The following MYO16 variants were observed in gnomAD, a reference collection of about 807,000 sequenced individuals.
MYO16 encodes the protein myosin XVI, also known as unconventional myosin-XVI.
MYO16 carries 94 observed loss-of-function variants against 205.3 expected under a neutral mutation model. That is an observed-to-expected ratio of 0.46 (90% CI 0.39 to 0.54). The LOEUF is 0.54. MYO16 is among the 20% of genes least tolerant of loss of function. The pLI is 0.00. For missense variants in MYO16, 2,315 were observed against 2,387.5 expected, an observed-to-expected ratio of 0.97 and a Z score of 0.63; for synonymous variants, 988 against 954.0, an observed-to-expected ratio of 1.04 and a Z score of -0.66.
At chr13:109,161,012 G>A (rs145912445) in intron 32 of MYO16, among the ~76,000 whole-genome samples, 1 of 152,292 alleles carries the variant, frequency 6.6e-6, no homozygotes, top group Non-Finnish European at 1.5e-5. Context: ...TCCTCAGTGT[G>A]TTGAATCTAG....
chr13:108,558,059 TAAAG>T, the MYO16 span, among the ~76,000 whole-genome samples: 1 of 152,196 alleles, frequency 6.6e-6, no homozygotes, highest in African/African-American at 2.4e-5. Context: ...TCAATTTTCT[TAAAG>T]AAAGATTAAA....
intron 31 of MYO16, among the ~76,000 whole-genome samples, chr13:109,130,804 T>C (rs911018163): frequency 6.6e-6 from 1 of 152,184 alleles, no homozygotes; most frequent in African/African-American, 2.4e-5. Context: ...GAGTATAATC[T>C]AAGTCTTTGT....
intron 1 of MYO16, among the ~76,000 whole-genome samples, chr13:108,651,451 C>T (rs76247825): frequency 0.045 from 6,860 of 152,162 alleles, 186 homozygotes; most frequent in South Asian, 0.13. Flanking sequence ...TTGTTGTTTA[C>T]GAAATATGGT....
intron 4 of MYO16, among the ~76,000 whole-genome samples, chr13:108,782,719 G>A (rs1420528772): frequency 6.6e-6 from 1 of 152,150 alleles, no homozygotes; most frequent in Non-Finnish European, 1.5e-5. Flanking sequence ...TGCAGCCTGG[G>A]GACTTGGTGC....
At chr13:109,119,410 C>T (rs1875877791) in intron 28 of MYO16, among the ~76,000 whole-genome samples, 1 of 152,184 alleles carries the variant, frequency 6.6e-6, no homozygotes. Context: ...CTTTATCTAA[C>T]AGAATATCAT....
chr13:108,645,654 C>A (rs1009370444), intron 1 of MYO16, among the ~76,000 whole-genome samples: 6 of 152,170 alleles, frequency 3.9e-5, no homozygotes, highest in Non-Finnish European at 8.8e-5. Flanking sequence ...AGGAAACATA[C>A]TGAGTTGCAG....
the MYO16 span, among the ~76,000 whole-genome samples, chr13:108,502,582 A>G: frequency 6.6e-6 from 1 of 152,292 alleles, no homozygotes; most frequent in East Asian, 1.9e-4. Flanking sequence ...TTTATTACTG[A>G]AATTAGTTGA....
chr13:109,186,347 C>G lies in MYO16; in HGVS notation c.5415+6714C>G, dbSNP rs1454486294. 3.9e-5 allele frequency among the ~76,000 whole-genome samples: 6 copies of G among 152,258 alleles called. No individual in the cohort carries two copies. In the East Asian group the frequency reaches 1.2e-3, roughly 29 times the overall value. On this transcript the variant is annotated intron_variant, in intron 34 of 34. Coordinates refer to ENST00000457511, the MANE Select transcript of MYO16 (RefSeq NM_001198950.3). ...AGGGCAGGTGTCACACGACCTGCTG[C>G]TGCTGGCCCTAGGGTGCTGTGGTGC...
chr13:108,815,382 T>G (rs1366945540), intron 7 of MYO16, among the ~76,000 whole-genome samples: 1 of 152,168 alleles, frequency 6.6e-6, no homozygotes, highest in African/African-American at 2.4e-5. Context: ...ATGGGCCCAG[T>G]GTAATCACAT....
Position 108,822,195 on chromosome 13 carries a change from A to C in MYO16, c.944-930A>C, listed in dbSNP as rs577040874. ...AGATTTATGAAAAAAATCTGTGGGA[A>C]AAACAATTTGTTAAGTGGGACATAA... On this transcript the variant is annotated intron_variant, in intron 8 of 34. Transcript: ENST00000457511. Among the ~76,000 whole-genome samples the C allele has an allele frequency of 5.9e-5, 9 of 152,324 alleles. No individual in the cohort carries two copies. The South Asian group carries it at 1.7e-3, about 28-fold the overall frequency.
At chr13:108,851,330 G>A (rs1274824862) in intron 10 of MYO16, among the ~76,000 whole-genome samples, 1 of 152,166 alleles carries the variant, frequency 6.6e-6, no homozygotes, top group Non-Finnish European at 1.5e-5. Flanking sequence ...CTATATGTGT[G>A]TGTAAGTTTA....
intron 4 of MYO16, among the ~76,000 whole-genome samples, chr13:108,759,777 G>A (rs9587676): frequency 0.23 from 34,429 of 148,440 alleles, 4,413 homozygotes; most frequent in African/African-American, 0.34. Context: ...CCGAGATCGC[G>A]CCACTGCACT....
chr13:108,625,249 C>A (rs577835726), upstream of MYO16, among the ~76,000 whole-genome samples: 1 of 152,078 alleles, frequency 6.6e-6, no homozygotes, highest in Non-Finnish European at 1.5e-5. Context: ...GTCCTGAATC[C>A]GAGAGCTAGT....
chr13:108,962,737 A>G (rs1291130189), intron 19 of MYO16, among the ~76,000 whole-genome samples: 1 of 152,212 alleles, frequency 6.6e-6, no homozygotes, highest in Non-Finnish European at 1.5e-5. Flanking sequence ...GAAAAACAAA[A>G]CCATCAATCC....
At chr13:108,620,938 C>A (rs1879518741) in intron 1 of MYO16, among the ~76,000 whole-genome samples, 1 of 152,204 alleles carries the variant, frequency 6.6e-6, no homozygotes, top group Non-Finnish European at 1.5e-5. Context: ...CACCCCGCAG[C>A]CTGGCCTCTA....
intron 31 of MYO16, among the ~76,000 whole-genome samples, chr13:109,128,233 T>C (rs1487884849): frequency 2.0e-5 from 3 of 152,378 alleles, no homozygotes; most frequent in Admixed American, 1.3e-4. Context: ...ATTCTAGGCA[T>C]GTCTGTCTCT....
intron 24 of MYO16, chr13:109,048,761 T>A (rs891645): frequency 0.34 from 52,624 of 153,816 alleles, 9,927 homozygotes; most frequent in East Asian, 0.83. Context: ...TAGTATCTAA[T>A]TCAATTTTCG....
At chr13:108,896,845 C>G (rs986061122) in intron 14 of MYO16, among the ~76,000 whole-genome samples, 1 of 151,736 alleles carries the variant, frequency 6.6e-6, no homozygotes, top group Non-Finnish European at 1.5e-5. Flanking sequence ...AACGGCATGC[C>G]CTTGTAATCC....
chr13:109,193,689 C>G (rs931368824), intron 34 of MYO16, among the ~76,000 whole-genome samples: 1 of 152,102 alleles, frequency 6.6e-6, no homozygotes, highest in African/African-American at 2.4e-5. Context: ...GTCCTCTCTC[C>G]TCTGAAGGCT....
Sources: gnomAD v4.1 joint callset for allele counts (sites outside exome capture counted in the v4.1 genomes callset) on GRCh38, gnomAD v4.1.1 for gene constraint, MANE v1.5 for transcripts, NCBI Gene and HGNC (gene_info 2026-07-23, HGNC 2026-07-21) for gene names.